The following NBEAL1 variants were observed in gnomAD, a reference collection of about 807,000 sequenced individuals.
NBEAL1 encodes neurobeachin-like protein 1.
In NBEAL1, 273 loss-of-function variants were observed where a neutral mutation model predicts 351.3. The observed-to-expected ratio is 0.78, with a 90% confidence interval of 0.70 to 0.86. The LOEUF (loss-of-function observed/expected upper bound fraction) is 0.86, where lower values mean the gene tolerates loss of function less well. Ranked by LOEUF, NBEAL1 falls within the 40% of genes least tolerant of loss-of-function variation. The probability of loss-of-function intolerance (pLI) is 0.00; values close to 1 mark genes in which losing one functional copy is unlikely to be tolerated. For synonymous variants in NBEAL1, 1,050 were observed against 1,086.4 expected, an observed-to-expected ratio of 0.97 and a Z score of 0.66; for missense variants, 2,961 against 3,201.3, an observed-to-expected ratio of 0.92 and a Z score of 1.81.
intron 42 of NBEAL1, among the ~76,000 whole-genome samples, chr2:203,175,636 T>C (rs1472204972): frequency 6.6e-6 from 1 of 152,168 alleles, no homozygotes; most frequent in Admixed American, 6.5e-5. Context: ...ATATGTATCA[T>C]GAGGAATGGA....
At chr2:203,194,587 T>C (rs1464225089) in intron 47 of NBEAL1, among the ~76,000 whole-genome samples, 2 of 152,220 alleles carry the variant, frequency 1.3e-5, no homozygotes, top group Non-Finnish European at 2.9e-5. Flanking sequence ...TTGAAAAGTA[T>C]GCAGCAGTGA....
intron 34 of NBEAL1, among the ~76,000 whole-genome samples, 162 bp downstream of exon 34, chr2:203,149,310 A>T (rs2063590798): frequency 2.0e-5 from 3 of 151,976 alleles, no homozygotes; most frequent in Admixed American, 2.0e-4. Flanking sequence ...TAGGTCTGGG[A>T]TGATTCGAGG....
Position 203,136,775 on chromosome 2 carries a change from G to GT in NBEAL1, c.4565+2dup. The GT allele has an allele frequency of 6.2e-7, 1 of 1,610,384 alleles. No individual in the cohort carries two copies. The highest frequency in any genetic ancestry group is 1.1e-5 in the South Asian group (1 of 90,296). On this transcript the variant is annotated splice_donor_variant, in intron 29 of 55. Transcript: ENST00000683969. LOFTEE classifies it high-confidence loss of function. ...GACCATCAGATGAAATAAAACTAAC[G>GT]TAAGCATTTAGTTAGTGATTTTCCA...
At position 203,127,863 on chromosome 2, in the gene NBEAL1, C is replaced by G. The variant is rs2062978494; in HGVS notation, c.3331C>G (p.Leu1111Val). 6.5e-7 allele frequency: 1 copy of G among 1,550,152 alleles called. No homozygotes were observed. The highest frequency in any genetic ancestry group is 8.7e-7 in the Non-Finnish European group (1 of 1,143,884). ...TSLYGLIKYFLCKGGSHEEIQ... is the reference protein window; with the variant it reads ...TSLYGLIKYFVCKGGSHEEIQ... ...TTTGTATGGACTAATTAAATATTTT[C>G]TGTGCAAAGGTGGATCTCATGAAGA... Residue 1111 changes from leucine (L) to valine (V), a missense_variant, in exon 24 of 56, where the codon CTG (leucine) becomes GTG (valine). Coordinates refer to ENST00000683969, the MANE Select transcript of NBEAL1 (RefSeq NM_001378026.1).
chr2:203,172,121 A>G (rs2064338113), intron 40 of NBEAL1, 98 bp downstream of exon 40: 2 of 550,706 alleles, frequency 3.6e-6, no homozygotes, highest in Non-Finnish European at 2.9e-6. Context: ...TAAAAAATAT[A>G]AAAACACTTT....
chr2:203,160,483 C>G (rs1032098543), intron 36 of NBEAL1, among the ~76,000 whole-genome samples: 1 of 152,044 alleles, frequency 6.6e-6, no homozygotes, highest in Admixed American at 6.6e-5. Flanking sequence ...AACATAGTTT[C>G]CTTTTGTTCT....
At chr2:203,034,215 T>C (rs1476927879) in intron 2 of NBEAL1, among the ~76,000 whole-genome samples, 1 of 151,180 alleles carries the variant, frequency 6.6e-6, no homozygotes, top group Non-Finnish European at 1.5e-5. Context: ...TGGAGTGCAG[T>C]AGAGCGATCT....
At position 203,166,416 on chromosome 2, in the gene NBEAL1, A is replaced by C. The variant is rs1359795967; in HGVS notation, c.5863+119A>C. 27 of 916,052 alleles carry C rather than the reference A, an allele frequency of 2.9e-5. No individual in the cohort carries two copies. In the Admixed American group the frequency reaches 8.8e-4, roughly 30 times the overall value. The allele number at this position is 916,052 out of a possible 1,614,324, so 56.7% of individuals were successfully genotyped here. A position where few individuals can be genotyped will look rare whatever the true frequency, so the allele number is the denominator to read the frequency against. On this transcript the variant is annotated intron_variant, in intron 37 of 55. Coordinates refer to ENST00000683969, the MANE Select transcript of NBEAL1 (RefSeq NM_001378026.1). ...ACTATCATGTGAAGGGAGAAATGGA[A>C]AGTCAGTAAGGGGTCAAATTTGTTA...
In NBEAL1 at chr2:203,199,505, A is replaced by G. The variant is rs1404288276; in HGVS notation, c.7238+58A>G. 1.1e-4 allele frequency: 95 copies of G among 834,486 alleles called. 1 individual carries two copies. The highest frequency in any genetic ancestry group is 7.2e-5 in the Non-Finnish European group (37 of 511,312). The allele number at this position is 834,486 out of a possible 1,614,324, so 51.7% of individuals were successfully genotyped here. On this transcript the variant is annotated intron_variant, in intron 49 of 55. Transcript: ENST00000683969. Reference sequence around the variant, plus strand: ...ATACCAGATACCTTATTGCCAGGAAAAAAACTAGATTAATTGATTCATTTA... The same window carrying G: ...ATACCAGATACCTTATTGCCAGGAAGAAAACTAGATTAATTGATTCATTTA...
intron 51 of NBEAL1, among the ~76,000 whole-genome samples, chr2:203,204,886 ACT>A (rs1403639005): frequency 6.6e-6 from 1 of 152,022 alleles, no homozygotes; most frequent in Non-Finnish European, 1.5e-5. Context: ...CCTCTTATCA[ACT>A]CTCATGGTTA....
At position 203,214,868 on chromosome 2, in the gene NBEAL1, A is replaced by C. The variant is rs375876225; in HGVS notation, c.8070+1215A>C. Among the ~76,000 whole-genome samples, 2 of 152,206 alleles carry C rather than the reference A, an allele frequency of 1.3e-5. 1 individual carries two copies. Among genetic ancestry groups the C allele is most frequent in the South Asian group, 4.1e-4 (2 of 4,830 alleles). ...TATCTAAAACATCAAAATCTTGATTAATATGTATTTTTTAATCATGTACCA... is the reference window on the plus strand; with the variant it reads ...TATCTAAAACATCAAAATCTTGATTCATATGTATTTTTTAATCATGTACCA... On this transcript the variant is annotated intron_variant, in intron 55 of 55. Coordinates refer to ENST00000683969, the MANE Select transcript of NBEAL1 (RefSeq NM_001378026.1).
intron 41 of NBEAL1, among the ~76,000 whole-genome samples, chr2:203,174,417 A>T (rs946616040): frequency 1.9e-4 from 29 of 152,198 alleles, no homozygotes; most frequent in Admixed American, 7.9e-4. Context: ...TGAACAATAT[A>T]TGTAGCACTT....
intron 19 of NBEAL1, among the ~76,000 whole-genome samples, chr2:203,123,136 G>GAAA (rs60819391): frequency 4.1e-5 from 6 of 145,142 alleles, no homozygotes; most frequent in Non-Finnish European, 3.0e-5. Flanking sequence ...GGTAAATCAG[G>GAAA]AAAAAAAAAA....
intron 3 of NBEAL1, among the ~76,000 whole-genome samples, chr2:203,045,927 A>G (rs1239829923): frequency 2.0e-5 from 3 of 152,240 alleles, no homozygotes; most frequent in Admixed American, 2.0e-4. Flanking sequence ...TGTTTAAAAT[A>G]TATTACATTT....
intron 10 of NBEAL1, among the ~76,000 whole-genome samples, chr2:203,088,773 A>T (rs1559357145): frequency 6.6e-6 from 1 of 152,338 alleles, no homozygotes; most frequent in East Asian, 1.9e-4. Context: ...ATCCATCCAA[A>T]ATACAGCAGT....
At chr2:203,027,301 CAAAT>C (rs2060874238) in intron 2 of NBEAL1, among the ~76,000 whole-genome samples, 1 of 152,216 alleles carries the variant, frequency 6.6e-6, no homozygotes, top group East Asian at 1.9e-4. Context: ...GAGCTCTACT[CAAAT>C]ATATTTTATA....
chr2:203,031,904 C>T (rs543303254), intron 2 of NBEAL1, among the ~76,000 whole-genome samples: 2 of 152,324 alleles, frequency 1.3e-5, no homozygotes, highest in South Asian at 4.1e-4. Context: ...ATACAATCCC[C>T]TCCCACATTG....
At chr2:203,205,364 T>G (rs1030432568) in intron 51 of NBEAL1, among the ~76,000 whole-genome samples, 1 of 152,172 alleles carries the variant, frequency 6.6e-6, no homozygotes, top group Non-Finnish European at 1.5e-5. Context: ...TAGGTCAGTG[T>G]GTATTTTCTG....
intron 41 of NBEAL1, among the ~76,000 whole-genome samples, chr2:203,174,216 CAAAAAAAAAAAAAAAAA>C (rs10652390): frequency 2.4e-4 from 6 of 24,592 alleles, no homozygotes; most frequent in Non-Finnish European, 3.4e-4. Flanking sequence ...TTTATACTAG[CAAAAAAAAAAAAAAAAA>C]AAAAAAAAAA....
Sources: allele counts gnomAD v4.1 joint callset (sites outside exome capture counted in the v4.1 genomes callset), GRCh38; gene constraint gnomAD v4.1.1; transcripts MANE v1.5; gene names NCBI Gene and HGNC (gene_info 2026-07-23, HGNC 2026-07-21).